The following POU2F2 variants were observed in gnomAD, a reference collection of about 807,000 sequenced individuals.
POU2F2 encodes the protein POU domain, class 2, transcription factor 2.
A neutral mutation model predicts 63.5 loss-of-function variants in POU2F2; 14 were observed. The observed-to-expected ratio is 0.22, with a 90% confidence interval of 0.15 to 0.34. POU2F2 has a LOEUF of 0.34. Among genes scored for constraint, POU2F2 ranks in the 10% least tolerant of loss-of-function variants. The probability of loss-of-function intolerance (pLI) is 1.00; values close to 1 mark genes in which losing one functional copy is unlikely to be tolerated. For missense variants in POU2F2, 607 were observed against 815.2 expected, an observed-to-expected ratio of 0.74 and a Z score of 3.11; for synonymous variants, 306 against 348.6, an observed-to-expected ratio of 0.88 and a Z score of 1.36.
At chr19:42,130,891 T>G (rs1379763991) in intron 1 of POU2F2, among the ~76,000 whole-genome samples, 1 of 137,732 alleles carries the variant, frequency 7.3e-6, no homozygotes, top group Non-Finnish European at 1.6e-5. Flanking sequence ...TGTCCCCCTA[T>G]CCCAGCCCTG....
chr19:42,174,236 T>C (rs1231588089), intron 1 of POU2F2, among the ~76,000 whole-genome samples: 1 of 152,056 alleles, frequency 6.6e-6, no homozygotes, highest in Non-Finnish European at 1.5e-5. Context: ...AATAATAATA[T>C]CTCCATGCAG....
intron 1 of POU2F2, among the ~76,000 whole-genome samples, chr19:42,161,617 G>C (rs1009060215): frequency 4.0e-5 from 6 of 151,788 alleles, no homozygotes; most frequent in Admixed American, 6.6e-5. Context: ...GGGAGAAATA[G>C]ACAGAGAGGA....
upstream of POU2F2, among the ~76,000 whole-genome samples, chr19:42,180,276 G>C (rs1310324143): frequency 2.6e-5 from 4 of 152,134 alleles, no homozygotes; most frequent in Non-Finnish European, 5.9e-5. Context: ...CCATGAGCAG[G>C]TTCTGGTGAT....
At chr19:42,173,557 T>C (rs2034812010) in intron 1 of POU2F2, among the ~76,000 whole-genome samples, 1 of 140,894 alleles carries the variant, frequency 7.1e-6, no homozygotes, top group Non-Finnish European at 1.5e-5. Context: ...ACGGACTTGC[T>C]AGAAAAAAAA....
chr19:42,190,868 T>C (rs1213642216), intron 1 of POU2F2, among the ~76,000 whole-genome samples: 1 of 151,938 alleles, frequency 6.6e-6, no homozygotes, highest in Admixed American at 6.6e-5. Context: ...CACCTATAGA[T>C]GTAACGGTAA....
chr19:42,171,383 A>G (rs1220914559), intron 1 of POU2F2, among the ~76,000 whole-genome samples: 1 of 150,458 alleles, frequency 6.6e-6, no homozygotes, highest in Non-Finnish European at 1.5e-5. Flanking sequence ...AGAGTGCCTG[A>G]GTATATGGTT....
intron 2 of POU2F2, among the ~76,000 whole-genome samples, chr19:42,143,993 C>A (rs2034181560): frequency 6.6e-6 from 1 of 152,142 alleles, no homozygotes; most frequent in Non-Finnish European, 1.5e-5. Flanking sequence ...TTCCCCCAAA[C>A]TGAATGTTTA....
chr19:42,151,315 G>A (rs943429025), intron 2 of POU2F2, among the ~76,000 whole-genome samples: 3 of 152,006 alleles, frequency 2.0e-5, no homozygotes, highest in Non-Finnish European at 2.9e-5. Flanking sequence ...GGCAGAAGGC[G>A]GGGGTGGGGG....
Position 42,091,525 on chromosome 19 carries a change from GC to G in POU2F2, c.1606del (p.Ala536GlnfsTer12). 1 of 1,546,940 alleles carries G rather than the reference GC, an allele frequency of 6.5e-7. No homozygotes were observed. The highest frequency in any genetic ancestry group is 1.2e-5 in the South Asian group (1 of 83,420). On this transcript the variant is annotated frameshift_variant, in exon 15 of 15. Coordinates refer to ENST00000692977, the MANE Select transcript of POU2F2 (RefSeq NM_001394376.1). LOFTEE classifies it high-confidence loss of function. The stretch of plus-strand genomic sequence containing the variant: ...AGGGCTCCCCGGGGCTGCACCGGCT[GC>G]CCCCAGCACCAGATTCCCGCTGCCA... Reference protein sequence around the residue: ...LDGSGNLVLGAAGAAPGSPGL... With the variant: ...LDGSGNLVLGXAGAAPGSPGL...
chr19:42,092,891 C>A lies in POU2F2; in HGVS notation c.1265-621G>T, dbSNP rs1029142423. 6.7e-6 allele frequency among the ~76,000 whole-genome samples: 1 copy of A among 148,340 alleles called. No homozygotes were observed. Among genetic ancestry groups the A allele is most frequent in the African/African-American group, 2.5e-5 (1 of 39,916 alleles). On this transcript the variant is annotated intron_variant, in intron 12 of 14. Coordinates refer to ENST00000692977, the MANE Select transcript of POU2F2 (RefSeq NM_001394376.1). This position sits in a 1 kb window ranked among gnomAD's most constrained non-coding sequence, Gnocchi z 5.0. Reference sequence around the variant, plus strand: ...GCACTTACTACTTTATAAATCTCCACTTACTATTTTCTAGCCTGGGGAGGG... The same window carrying A: ...GCACTTACTACTTTATAAATCTCCAATTACTATTTTCTAGCCTGGGGAGGG...
intron 1 of POU2F2, 43 bp from the exon 2 acceptor site, chr19:42,122,619 T>C (rs1211195452): frequency 1.0e-5 from 15 of 1,475,620 alleles, no homozygotes; most frequent in Non-Finnish European, 1.3e-5. Flanking sequence ...AGGAGGGGAA[T>C]CCAGGAGGGC....
chr19:42,197,772 G>C (rs1027650706), upstream of POU2F2, among the ~76,000 whole-genome samples: 2 of 152,140 alleles, frequency 1.3e-5, no homozygotes, highest in African/African-American at 4.8e-5. Context: ...GAGCCACGTG[G>C]AGACAAATTC....
At chr19:42,148,889 G>T (rs567112104) in intron 2 of POU2F2, among the ~76,000 whole-genome samples, 1 of 152,050 alleles carries the variant, frequency 6.6e-6, no homozygotes, top group Admixed American at 6.6e-5. Flanking sequence ...GGACCCAGGC[G>T]TCTTGAATCC....
intron 5 of POU2F2, among the ~76,000 whole-genome samples, chr19:42,103,189 C>T (rs1165066180): frequency 1.3e-5 from 2 of 152,280 alleles, no homozygotes; most frequent in East Asian, 3.9e-4. Flanking sequence ...TATACCAGCC[C>T]CTGGCCTGGC....
At chr19:42,131,452 A>G (rs1436827985) in intron 1 of POU2F2, among the ~76,000 whole-genome samples, 3 of 152,142 alleles carry the variant, frequency 2.0e-5, no homozygotes, top group African/African-American at 7.2e-5. Context: ...CAAATGAAAC[A>G]GGCATGAAGG....
At chr19:42,154,361 G>A (rs557748514) in intron 2 of POU2F2, among the ~76,000 whole-genome samples, 3 of 151,972 alleles carry the variant, frequency 2.0e-5, no homozygotes, top group Non-Finnish European at 4.4e-5. Flanking sequence ...GAGACTGGAA[G>A]GGACACAGAC....
intron 7 of POU2F2, among the ~76,000 whole-genome samples, chr19:42,097,965 C>T (rs905068196): frequency 6.6e-6 from 1 of 152,220 alleles, no homozygotes; most frequent in Admixed American, 6.5e-5. Flanking sequence ...TCACCCCTCT[C>T]AGGTTTTGTT....
chr19:42,149,888 C>T (rs1328168995), intron 2 of POU2F2, among the ~76,000 whole-genome samples: 1 of 152,204 alleles, frequency 6.6e-6, no homozygotes, highest in Admixed American at 6.5e-5. Context: ...AGGTGTCCAG[C>T]TCCCGGCCCT....
At chr19:42,183,872 T>C (rs980491558) in intron 1 of POU2F2, among the ~76,000 whole-genome samples, 1 of 151,908 alleles carries the variant, frequency 6.6e-6, no homozygotes, top group African/African-American at 2.4e-5. Context: ...TATCAAGAAG[T>C]GAGTGCAAAG....
Sources: allele counts gnomAD v4.1 joint callset (sites outside exome capture counted in the v4.1 genomes callset), GRCh38; gene constraint gnomAD v4.1.1; non-coding constraint Gnocchi (gnomAD v3.1); transcripts MANE v1.5; gene names NCBI Gene and HGNC (gene_info 2026-07-23, HGNC 2026-07-21).